Variants in PLEKHH1 observed in about 807,000 individuals in gnomAD.
PLEKHH1 encodes pleckstrin homology domain-containing family H member 1.
PLEKHH1 carries 104 observed loss-of-function variants against 160.0 expected under a neutral mutation model. That is an observed-to-expected ratio of 0.65 (90% CI 0.55 to 0.76). The LOEUF (loss-of-function observed/expected upper bound fraction) is 0.76. Ranked by LOEUF, PLEKHH1 falls within the 30% of genes least tolerant of loss-of-function variation. PLEKHH1 has a pLI of 0.00. For synonymous variants in PLEKHH1, 619 were observed against 678.4 expected (o/e 0.91, Z 1.36); for missense variants, 1,427 against 1,724.1 (o/e 0.83, Z 3.05).
At chr14:67,566,743 T>C (rs1191644016) in intron 7 of PLEKHH1, among the ~76,000 whole-genome samples, 1 of 119,020 alleles carries the variant, frequency 8.4e-6, no homozygotes, top group African/African-American at 3.3e-5. Flanking sequence ...AGCCAGACCC[T>C]GTCTTGAAAA....
intron 7 of PLEKHH1, among the ~76,000 whole-genome samples, chr14:67,568,802 T>C (rs1373380478): frequency 1.3e-5 from 2 of 152,162 alleles, no homozygotes; most frequent in Non-Finnish European, 2.9e-5. Flanking sequence ...AACAGTTTAC[T>C]GACCCATCTT....
At chr14:67,567,848 G>C (rs537769172) in intron 7 of PLEKHH1, among the ~76,000 whole-genome samples, 16 of 146,426 alleles carry the variant, frequency 1.1e-4, no homozygotes, top group African/African-American at 4.4e-4. Context: ...TCCCTCGTCA[G>C]CCTTGGTGAC....
chr14:67,572,098 G>A, intron 10 of PLEKHH1, 37 bp from the exon 11 acceptor site: 1 of 1,587,722 alleles, frequency 6.3e-7, no homozygotes. Context: ...TCGGGGAGGT[G>A]TGGGACCCGG....
chr14:67,569,645 C>T, intron 8 of PLEKHH1: 1 of 505,658 alleles, frequency 2.0e-6, no homozygotes, highest in South Asian at 2.4e-5. Context: ...TTGTAACTCA[C>T]ATCTGCAACA....
At chr14:67,543,124 G>A (rs1202187660) in intron 2 of PLEKHH1, among the ~76,000 whole-genome samples, 1 of 152,170 alleles carries the variant, frequency 6.6e-6, no homozygotes, top group African/African-American at 2.4e-5. Context: ...GTATAGTTTT[G>A]TTTATAGTAT....
intron 26 of PLEKHH1, chr14:67,585,340 G>A (rs532504922): frequency 1.9e-6 from 1 of 520,588 alleles, no homozygotes; most frequent in Non-Finnish European, 3.4e-6. Context: ...CTCTGCCTTT[G>A]AGATGGTTAG....
At chr14:67,580,780 G>C in intron 22 of PLEKHH1, 158 bp from the exon 23 acceptor site, 1 of 585,110 alleles carries the variant, frequency 1.7e-6, no homozygotes, top group Non-Finnish European at 3.1e-6. Flanking sequence ...TGCCACCTTG[G>C]GTCCAGGAAG....
At chr14:67,575,726 C>G in intron 15 of PLEKHH1, 97 bp from the exon 16 acceptor site, 1 of 912,858 alleles carries the variant, frequency 1.1e-6, no homozygotes, top group Non-Finnish European at 1.7e-6. Flanking sequence ...CGGTCCATAT[C>G]CACGATTCCC....
chr14:67,568,463 G>A (rs751872351), intron 7 of PLEKHH1, among the ~76,000 whole-genome samples: 112 of 152,052 alleles, frequency 7.4e-4, no homozygotes, highest in Non-Finnish European at 1.0e-4. Context: ...GGCGGTGGGG[G>A]AGTATTAGGG....
chr14:67,554,074 A>G (rs1012552917), intron 2 of PLEKHH1, among the ~76,000 whole-genome samples: 10 of 152,158 alleles, frequency 6.6e-5, no homozygotes, highest in African/African-American at 2.4e-4. Flanking sequence ...TCTCTGTCCA[A>G]GGGAATGTGC....
At position 67,564,947 on chromosome 14, in the gene PLEKHH1, TC is replaced by T. The variant is rs1204491312; in HGVS notation, c.1263+2056del. Among the ~76,000 whole-genome samples the T allele has an allele frequency of 3.9e-5, 6 of 152,218 alleles. No individual in the cohort carries two copies. The East Asian group carries it at 1.2e-3, about 29-fold the overall frequency. ...CTCAGGTGGTCCTCCCACCTTGACCTCCCAAAGTGCTGGGATTACGGGTGTG... is the reference window on the plus strand; with the variant it reads ...CTCAGGTGGTCCTCCCACCTTGACCTCCAAAGTGCTGGGATTACGGGTGTG... On this transcript the variant is annotated intron_variant, in intron 7 of 28. Coordinates refer to ENST00000329153, the MANE Select transcript of PLEKHH1 (RefSeq NM_020715.3).
chr14:67,537,346 AAATAATAATAAT>A (rs111429286), intron 1 of PLEKHH1, among the ~76,000 whole-genome samples: 2 of 126,606 alleles, frequency 1.6e-5, no homozygotes, highest in East Asian at 2.2e-4. Context: ...TCCATCTCAA[AAATAATAATAAT>A]AATAATAATA....
chr14:67,562,911 G>A lies in PLEKHH1; in HGVS notation c.1263+17G>A, dbSNP rs764145627. The A allele has an allele frequency of 2.1e-5, 34 of 1,606,124 alleles. No homozygotes were observed. The highest frequency in any genetic ancestry group is 1.4e-4 in the South Asian group (13 of 90,310). ...TCATCCTGGGTAAGAGGCAACCTCC[G>A]GGCTGGGCAGAGGAGCAGAGCTAAT... On this transcript the variant is annotated intron_variant, in intron 7 of 28. Transcript: ENST00000329153.
intron 1 of PLEKHH1, among the ~76,000 whole-genome samples, chr14:67,533,952 G>T (rs980809304): frequency 2.0e-5 from 3 of 152,136 alleles, no homozygotes; most frequent in African/African-American, 4.8e-5. Context: ...GGGGGTGGCA[G>T]AGGCGGTGAA....
chr14:67,535,370 CTTTTTTTTTTTTTT>C lies in PLEKHH1; in HGVS notation c.-35+1987_-35+2000del, dbSNP rs71129833. Among the ~76,000 whole-genome samples the C allele has an allele frequency of 1.9e-3, 141 of 74,228 alleles. 1 individual carries two copies. The highest frequency in any genetic ancestry group is 7.2e-3 in the African/African-American group (119 of 16,516). The allele number at this position is 74,228 out of a possible 152,430, so 48.7% of individuals were successfully genotyped here. A position where few individuals can be genotyped will look rare whatever the true frequency, so the allele number is the denominator to read the frequency against. ...GAGTTAGATCTGGTAGTGAGCACAT[CTTTTTTTTTTTTTT>C]TTTTTTTTTTTTTTGAGCCAGAGTC... On this transcript the variant is annotated intron_variant, in intron 1 of 28. Coordinates refer to ENST00000329153, the MANE Select transcript of PLEKHH1 (RefSeq NM_020715.3).
intron 7 of PLEKHH1, among the ~76,000 whole-genome samples, chr14:67,567,277 A>T (rs747143340): frequency 2.0e-5 from 3 of 152,196 alleles, no homozygotes; most frequent in Non-Finnish European, 2.9e-5. Context: ...AACATTTCTC[A>T]ATCTGACGGT....
At position 67,551,500 on chromosome 14, in the gene PLEKHH1, G is replaced by A. The variant is rs112373736; in HGVS notation, c.127-4325G>A. On this transcript the variant is annotated intron_variant, in intron 2 of 28. Transcript: ENST00000329153. ...TTACTGATGAGGAAACTGAGGCACAGAGAGGTTAAGGAATTTGTCTAAAGC... is the reference window on the plus strand; with the variant it reads ...TTACTGATGAGGAAACTGAGGCACAAAGAGGTTAAGGAATTTGTCTAAAGC... 1.6e-3 allele frequency among the ~76,000 whole-genome samples: 247 copies of A among 152,274 alleles called. 1 individual carries two copies. The highest frequency in any genetic ancestry group is 5.9e-3 in the African/African-American group (244 of 41,550).
At position 67,572,236 on chromosome 14, in the gene PLEKHH1, C is replaced by G. The variant is rs777068194; in HGVS notation, c.1687C>G (p.Arg563Gly). The change falls in exon 11 of 29, where the codon CGC becomes GGC. Residue 563 changes from arginine to glycine, a missense_variant. By Grantham distance (125) the Arg-to-Gly change is moderately radical. Transcript: ENST00000329153. ...CTCAGAGCCTGAGCACAAACTGCAG[C>G]GCACCTCATCCTACTCCACCGACGG... ...DYSEPEHKLQ[R>G]TSSYSTDGLG... is the part of the protein sequence containing the mutation. The G allele has an allele frequency of 5.6e-6, 9 of 1,608,104 alleles. No individual in the cohort carries two copies. The highest frequency in any genetic ancestry group is 7.6e-6 in the Non-Finnish European group (9 of 1,177,912).
intron 4 of PLEKHH1, among the ~76,000 whole-genome samples, chr14:67,559,254 G>A (rs565159977): frequency 1.4e-4 from 21 of 152,030 alleles, no homozygotes; most frequent in African/African-American, 4.1e-4. Flanking sequence ...ATAAAAAAAC[G>A]GCCAGAGGAG....
Sources: allele counts gnomAD v4.1 joint callset (sites outside exome capture counted in the v4.1 genomes callset), GRCh38; gene constraint gnomAD v4.1.1; transcripts MANE v1.5; gene names NCBI Gene and HGNC (gene_info 2026-07-23, HGNC 2026-07-21).